KIAA1217: variants seen among roughly 807,000 people sequenced by gnomAD.
KIAA1217 encodes the protein KIAA1217.
In KIAA1217, 88 loss-of-function variants were observed where a neutral mutation model predicts 163.9. The observed-to-expected ratio is 0.54, with a 90% CI of 0.45 to 0.64. KIAA1217 has a LOEUF of 0.64. Among genes scored for constraint, KIAA1217 ranks in the 30% least tolerant of loss-of-function variants. The pLI is 0.00. For missense variants in KIAA1217, 2,372 were observed against 2,475.0 expected, an observed-to-expected ratio of 0.96 and a Z score of 0.88; for synonymous variants, 903 against 923.1, an observed-to-expected ratio of 0.98 and a Z score of 0.39.
intron 2 of KIAA1217, among the ~76,000 whole-genome samples, chr10:24,070,581 T>G (rs2131627254): frequency 6.6e-6 from 1 of 152,306 alleles, no homozygotes; most frequent in Middle Eastern, 3.4e-3. Context: ...CCAAATACAT[T>G]TGAGAGAAGT....
chr10:23,919,892 C>T (rs972859426), intron 1 of KIAA1217, among the ~76,000 whole-genome samples: 4 of 152,144 alleles, frequency 2.6e-5, no homozygotes, highest in Non-Finnish European at 5.9e-5. Flanking sequence ...TCCTTCCTGA[C>T]CTTCTCCAGG....
intron 1 of KIAA1217, among the ~76,000 whole-genome samples, chr10:23,845,076 G>A (rs1163955532): frequency 1.3e-5 from 2 of 152,070 alleles, no homozygotes; most frequent in African/African-American, 4.8e-5. Context: ...CTCATGCTTT[G>A]TTATGACTGC....
intron 2 of KIAA1217, among the ~76,000 whole-genome samples, chr10:24,065,150 C>T (rs185126086): frequency 2.4e-4 from 37 of 151,862 alleles, no homozygotes; most frequent in South Asian, 1.7e-3. Flanking sequence ...CCTTCAGTTC[C>T]GCTCTGATCT....
chr10:23,881,809 C>A lies in KIAA1217; in HGVS notation c.-320-125416C>A, dbSNP rs1408885546. ...AGCTTCTTGTAGCATTAGAACCTGG[C>A]ATGGTGGGTCCATGTGCAGCTGCCC... On this transcript the variant is annotated intron_variant, in intron 1 of 18. Coordinates refer to the KIAA1217 transcript ENST00000376462. 4.6e-5 allele frequency among the ~76,000 whole-genome samples: 7 copies of A among 151,954 alleles called. No homozygotes were observed. In the South Asian group the frequency reaches 1.2e-3, roughly 27 times the overall value.
At chr10:24,403,903 G>C (rs56120759) in intron 3 of KIAA1217, among the ~76,000 whole-genome samples, 44,619 of 152,090 alleles carry the variant, frequency 0.29, 11,543 homozygotes, top group African/African-American at 0.69. Context: ...TACATTGCTG[G>C]TGGAAATGTA....
chr10:24,512,072 C>A (rs577851713), intron 9 of KIAA1217, among the ~76,000 whole-genome samples: 10 of 152,302 alleles, frequency 6.6e-5, no homozygotes, highest in African/African-American at 2.2e-4. Flanking sequence ...CAGTTCATCA[C>A]CATGCAGTGC....
intron 12 of KIAA1217, among the ~76,000 whole-genome samples, chr10:24,523,631 A>G (rs1429948262): frequency 1.3e-5 from 2 of 152,288 alleles, no homozygotes; most frequent in East Asian, 3.9e-4. Context: ...AGTCATTATC[A>G]TCACCATCGT....
chr10:24,363,897 C>T (rs564732823), intron 2 of KIAA1217, among the ~76,000 whole-genome samples: 1 of 151,562 alleles, frequency 6.6e-6, no homozygotes, highest in Non-Finnish European at 1.5e-5. Context: ...GATCTAACCT[C>T]TTTATATGTG....
At chr10:24,346,261 C>T (rs1029079249) in intron 2 of KIAA1217, among the ~76,000 whole-genome samples, 1 of 152,072 alleles carries the variant, frequency 6.6e-6, no homozygotes, top group Admixed American at 6.5e-5. Context: ...GTCCGGAGAT[C>T]GAGACCATCC....
intron 1 of KIAA1217, among the ~76,000 whole-genome samples, chr10:23,787,491 G>A (rs1835547601): frequency 6.6e-6 from 1 of 152,048 alleles, no homozygotes; most frequent in African/African-American, 2.4e-5. Flanking sequence ...CAGGCTCTAG[G>A]GTCAAGAAGG....
At chr10:24,251,880 A>G (rs77021411) in intron 2 of KIAA1217, among the ~76,000 whole-genome samples, 19 of 99,764 alleles carry the variant, frequency 1.9e-4, no homozygotes, top group Middle Eastern at 5.5e-3. Context: ...AAAAAAAAAA[A>G]GGGGCGGGGA....
intron 2 of KIAA1217, among the ~76,000 whole-genome samples, chr10:24,174,246 C>T (rs2065765044): frequency 6.6e-6 from 1 of 152,278 alleles, no homozygotes; most frequent in East Asian, 1.9e-4. Flanking sequence ...AAATGCAGGC[C>T]CTTCTATGTC....
chr10:23,946,534 T>C (rs577953333), intron 1 of KIAA1217, among the ~76,000 whole-genome samples: 14 of 152,272 alleles, frequency 9.2e-5, no homozygotes, highest in African/African-American at 3.1e-4. Context: ...TTCAAGCAAA[T>C]ATAATTCATG....
chr10:24,419,948 T>C (rs2131519892), intron 3 of KIAA1217, among the ~76,000 whole-genome samples: 1 of 152,204 alleles, frequency 6.6e-6, no homozygotes, highest in South Asian at 2.1e-4. Flanking sequence ...TTCTAGTTCA[T>C]AATTTGTTAC....
chr10:24,176,302 TG>T (rs1371200031), intron 2 of KIAA1217, among the ~76,000 whole-genome samples: 3 of 151,674 alleles, frequency 2.0e-5, no homozygotes, highest in Non-Finnish European at 4.4e-5. Context: ...AGACACAGAG[TG>T]CTGATTGGTG....
chr10:24,341,004 T>A (rs1056527520), intron 2 of KIAA1217, among the ~76,000 whole-genome samples: 9 of 151,976 alleles, frequency 5.9e-5, no homozygotes, highest in African/African-American at 2.2e-4. Context: ...TCCTGAGAAA[T>A]GCGAATTTTT....
chr10:23,743,632 A>G (rs1159355933), intron 1 of KIAA1217, among the ~76,000 whole-genome samples: 1 of 152,210 alleles, frequency 6.6e-6, no homozygotes, highest in Non-Finnish European at 1.5e-5. Flanking sequence ...GAGAGAAATG[A>G]TCAGCAGCCA....
intron 2 of KIAA1217, among the ~76,000 whole-genome samples, chr10:24,144,095 A>G (rs572581777): frequency 6.6e-6 from 1 of 152,352 alleles, no homozygotes; most frequent in African/African-American, 2.4e-5. Context: ...CCAGTAATAA[A>G]TAGGATAAAT....
intron 1 of KIAA1217, among the ~76,000 whole-genome samples, chr10:23,832,175 A>G (rs183481146): frequency 1.8e-4 from 27 of 152,322 alleles, no homozygotes; most frequent in Admixed American, 9.8e-4. Flanking sequence ...TCTGACTAAC[A>G]AGCAACAAAG....
Sources: gnomAD v4.1 joint callset for allele counts (sites outside exome capture counted in the v4.1 genomes callset) on GRCh38, gnomAD v4.1.1 for gene constraint, MANE v1.5 for transcripts, NCBI Gene and HGNC (gene_info 2026-07-23, HGNC 2026-07-21) for gene names.